Variants in XDH observed in about 807,000 individuals in gnomAD.
XDH encodes the protein xanthine dehydrogenase.
A neutral mutation model predicts 156.1 loss-of-function variants in XDH; 138 were observed. The observed-to-expected ratio is 0.88, with a 90% CI of 0.77 to 1.02. The LOEUF is 1.02. Ranked by LOEUF, XDH falls within the 50% of genes least tolerant of loss-of-function variation. The pLI is 0.00. For synonymous variants in XDH, 669 were observed against 625.7 expected, an observed-to-expected ratio of 1.07 and a Z score of -1.03; for missense variants, 1,849 against 1,684.9, an observed-to-expected ratio of 1.10 and a Z score of -1.71.
chr2:31,377,571 C>A (rs1267355289), intron 13 of XDH, among the ~76,000 whole-genome samples: 4 of 152,132 alleles, frequency 2.6e-5, no homozygotes, highest in Non-Finnish European at 2.9e-5. Context: ...TCCTTAGAGA[C>A]CCCTCATCCC....
chr2:31,338,843 C>A (rs1685044279), intron 34 of XDH, among the ~76,000 whole-genome samples: 1 of 149,376 alleles, frequency 6.7e-6, no homozygotes, highest in Non-Finnish European at 1.5e-5. Flanking sequence ...CGTGCCTAAG[C>A]CTCCTGAGTA....
chr2:31,376,786 A>G (rs1005214523), intron 14 of XDH, among the ~76,000 whole-genome samples: 2 of 150,110 alleles, frequency 1.3e-5, no homozygotes, highest in Non-Finnish European at 3.0e-5. Context: ...AATAATAGTA[A>G]CAATAGTAGT....
chr2:31,364,055 T>G (rs1685844666), intron 24 of XDH, 103 bp downstream of exon 24: 7 of 1,077,004 alleles, frequency 6.5e-6, no homozygotes, highest in Admixed American at 3.5e-5. Context: ...AGGAGACTAC[T>G]GCAACAGTAG....
chr2:31,384,659 C>A (rs982100747), intron 9 of XDH, among the ~76,000 whole-genome samples: 1 of 152,160 alleles, frequency 6.6e-6, no homozygotes, highest in Non-Finnish European at 1.5e-5. Context: ...AAAAGAAATA[C>A]CTGTGACCTC....
intron 17 of XDH, among the ~76,000 whole-genome samples, chr2:31,371,782 A>T (rs1323574437): frequency 6.6e-6 from 1 of 152,182 alleles, no homozygotes; most frequent in Non-Finnish European, 1.5e-5. Context: ...GAGCAGCAGC[A>T]GAGAAAAGAC....
chr2:31,366,206 T>C (rs2148767585), intron 21 of XDH, 97 bp from the exon 22 acceptor site: 1 of 1,594,478 alleles, frequency 6.3e-7, no homozygotes, highest in East Asian at 2.2e-5. Flanking sequence ...ACCTAATTAC[T>C]GCTGCGAATT....
intron 30 of XDH, 68 bp from the exon 31 acceptor site, chr2:31,344,804 C>G: frequency 6.5e-7 from 1 of 1,536,848 alleles, no homozygotes; most frequent in Non-Finnish European, 9.0e-7. Flanking sequence ...TGCCACTAAG[C>G]TTTCAGGAGC....
intron 9 of XDH, among the ~76,000 whole-genome samples, chr2:31,385,139 A>G (rs1686551929): frequency 6.6e-6 from 1 of 152,100 alleles, no homozygotes; most frequent in Admixed American, 6.5e-5. Context: ...GAGGTGAGCT[A>G]TGGTGACATT....
chr2:31,353,755 C>T (rs1685552051), intron 24 of XDH, among the ~76,000 whole-genome samples: 1 of 152,152 alleles, frequency 6.6e-6, no homozygotes, highest in African/African-American at 2.4e-5. Context: ...CCAAACATCA[C>T]AGAAAAAGAA....
In XDH at chr2:31,350,035, C is replaced by T; in HGVS notation, c.2820G>A (p.Glu940=). 1 of 1,614,044 alleles carries T rather than the reference C, an allele frequency of 6.2e-7. No individual in the cohort carries two copies. The highest frequency in any genetic ancestry group is 8.5e-7 in the Non-Finnish European group (1 of 1,180,048). ...TGCTACCAAATTCTCAGCTTACCTC[C>T]TCTGCAGGCATCCCACAGGTCACTG... is the stretch of plus-strand genomic sequence containing the variant. ...EVAVTCGMPA[E]EVRRKNLYKE... Residue 940 remains glutamate (E), a synonymous_variant, in exon 25 of 36, where the codon GAG becomes GAA. Coordinates refer to ENST00000379416, the MANE Select transcript of XDH (RefSeq NM_000379.4).
chr2:31,384,100 A>T, intron 9 of XDH: 1 of 447,252 alleles, frequency 2.2e-6, no homozygotes, highest in Non-Finnish European at 4.1e-6. Context: ...TTCAAATGAA[A>T]TGAGTTTGAA....
intron 24 of XDH, among the ~76,000 whole-genome samples, chr2:31,355,842 C>T (rs1402040889): frequency 1.3e-5 from 2 of 152,060 alleles, no homozygotes; most frequent in Non-Finnish European, 2.9e-5. Flanking sequence ...AATGGATTTA[C>T]AAACATGACC....
intron 24 of XDH, among the ~76,000 whole-genome samples, chr2:31,352,647 T>G (rs1218751817): frequency 6.6e-6 from 1 of 152,236 alleles, no homozygotes; most frequent in Non-Finnish European, 1.5e-5. Flanking sequence ...ATTGAAAATC[T>G]TGTAGGATGT....
At chr2:31,344,127 A>AT (rs1286178319) in intron 31 of XDH, among the ~76,000 whole-genome samples, 1 of 152,164 alleles carries the variant, frequency 6.6e-6, no homozygotes, top group Non-Finnish European at 1.5e-5. Context: ...CTGCTACTAA[A>AT]TTTAAAGTTG....
rs909819588 is a variant in XDH, at chr2:31,358,734, A to G, written c.2631+5424T>C. On this transcript the variant is annotated intron_variant, in intron 24 of 35. Transcript: ENST00000379416. ...CATTCATTATAAAGATGCTCAGAAAACACTAATGGAAGAAAACTTTCTTAA... is the reference window on the plus strand; with the variant it reads ...CATTCATTATAAAGATGCTCAGAAAGCACTAATGGAAGAAAACTTTCTTAA... Among the ~76,000 whole-genome samples the G allele has an allele frequency of 3.3e-5, 5 of 152,124 alleles. No homozygotes were observed. In the South Asian group the frequency reaches 1.0e-3, roughly 31 times the overall value.
chr2:31,411,963 G>A (rs1687354371), intron 1 of XDH, among the ~76,000 whole-genome samples: 1 of 151,906 alleles, frequency 6.6e-6, no homozygotes, highest in South Asian at 2.1e-4. Flanking sequence ...GAGTAAGTGA[G>A]TGAGTGAGTG....
chr2:31,387,753 G>A (rs1686648490), intron 8 of XDH, 58 bp downstream of exon 8: 1 of 1,468,938 alleles, frequency 6.8e-7, no homozygotes, highest in East Asian at 2.4e-5. Context: ...AAATAAAGCA[G>A]GTTTCCAGGG....
At chr2:31,340,027 G>A (rs45535534) in intron 33 of XDH, among the ~76,000 whole-genome samples, 3 of 152,356 alleles carry the variant, frequency 2.0e-5, no homozygotes, top group East Asian at 1.9e-4. Context: ...GGATTTATTC[G>A]ATAGTAGATT....
intron 1 of XDH, among the ~76,000 whole-genome samples, chr2:31,412,488 G>T (rs983133884): frequency 8.5e-5 from 13 of 152,100 alleles, no homozygotes; most frequent in Admixed American, 5.9e-4. Flanking sequence ...GTCGTGGGGT[G>T]GGGGGAGAGG....
Sources: allele counts gnomAD v4.1 joint callset (sites outside exome capture counted in the v4.1 genomes callset), GRCh38; gene constraint gnomAD v4.1.1; transcripts MANE v1.5; gene names NCBI Gene and HGNC (gene_info 2026-07-23, HGNC 2026-07-21).